SLC35F3: variants seen among roughly 807,000 people sequenced by gnomAD.
The protein encoded by SLC35F3 is putative thiamine transporter SLC35F3.
A neutral mutation model predicts 49.9 loss-of-function variants in SLC35F3; 25 were observed. The observed-to-expected ratio is 0.50, with a 90% CI of 0.37 to 0.70. SLC35F3 has a LOEUF of 0.70. SLC35F3 is among the 30% of genes least tolerant of loss of function. SLC35F3 has a pLI of 0.00. For missense variants in SLC35F3, 525 were observed against 639.8 expected (o/e 0.82, Z 1.94); for synonymous variants, 275 against 265.4 (o/e 1.04, Z -0.35).
At chr1:234,078,248 A>C (rs968318426) in intron 2 of SLC35F3, among the ~76,000 whole-genome samples, 3 of 152,116 alleles carry the variant, frequency 2.0e-5, no homozygotes, top group Non-Finnish European at 4.4e-5. Context: ...TCTCTTAAAG[A>C]TTTGTCTTCC....
chr1:234,102,450 A>G (rs927006722), intron 2 of SLC35F3, among the ~76,000 whole-genome samples: 2 of 152,202 alleles, frequency 1.3e-5, no homozygotes, highest in Admixed American at 1.3e-4. Context: ...AAAGAGACAG[A>G]AGTCCTTTTC....
At chr1:234,229,303 A>G (rs527563200) in intron 2 of SLC35F3, among the ~76,000 whole-genome samples, 33 of 151,878 alleles carry the variant, frequency 2.2e-4, no homozygotes, top group African/African-American at 6.1e-4. Flanking sequence ...TTTTCAAATA[A>G]CAGTGTAGTG....
At chr1:234,266,878 T>TG (rs1434106847) in intron 3 of SLC35F3, among the ~76,000 whole-genome samples, 3 of 148,418 alleles carry the variant, frequency 2.0e-5, no homozygotes, top group East Asian at 3.9e-4. Flanking sequence ...ACATGGTTTT[T>TG]TTTTTTTTTT....
At chr1:234,203,041 T>C (rs59565060) in intron 2 of SLC35F3, among the ~76,000 whole-genome samples, 4,569 of 152,260 alleles carry the variant, frequency 0.03, 226 homozygotes, top group African/African-American at 0.1. Flanking sequence ...ACCAATACTG[T>C]CATTAAAAGC....
intron 2 of SLC35F3, among the ~76,000 whole-genome samples, chr1:233,975,466 G>A (rs190409624): frequency 7.9e-5 from 12 of 152,320 alleles, no homozygotes; most frequent in African/African-American, 2.9e-4. Flanking sequence ...TCACGGCCCC[G>A]TGAGTCTGGC....
intron 2 of SLC35F3, among the ~76,000 whole-genome samples, chr1:234,135,306 G>T (rs573987829): frequency 1.2e-4 from 18 of 152,292 alleles, no homozygotes; most frequent in Non-Finnish European, 2.1e-4. Context: ...GTTATGTATT[G>T]TATGCCTGTA....
intron 3 of SLC35F3, among the ~76,000 whole-genome samples, chr1:234,235,273 C>G (rs577733589): frequency 7.1e-4 from 108 of 152,310 alleles, no homozygotes; most frequent in African/African-American, 2.1e-3. Context: ...CAGCCCAACC[C>G]TTATCTTCAC....
intron 3 of SLC35F3, among the ~76,000 whole-genome samples, chr1:234,234,557 A>C (rs1328339839): frequency 6.6e-6 from 1 of 152,128 alleles, no homozygotes; most frequent in Non-Finnish European, 1.5e-5. Flanking sequence ...GCTGCACTTT[A>C]ACTGTAAATG....
In SLC35F3 at chr1:234,318,762, G is replaced by A; in HGVS notation, c.966G>A (p.Lys322=). ...GCTTTCTCCTACAGGTTTTGTTCAA[G>A]CTCCTCCTGGGCAGTGCTAAGTTTG... The part of the protein sequence containing the change: ...SMSALYKVLF[K]LLLGSAKFGE... Residue 322 remains lysine, a synonymous_variant, in exon 6 of 8, where the codon AAG becomes AAA. Transcript: ENST00000366618. The A allele has an allele frequency of 1.2e-6, 2 of 1,613,774 alleles. No individual in the cohort carries two copies. Among genetic ancestry groups the A allele is most frequent in the South Asian group, 2.2e-5 (2 of 90,952 alleles).
chr1:234,158,912 C>A (rs1201938576), intron 2 of SLC35F3, among the ~76,000 whole-genome samples: 2 of 151,996 alleles, frequency 1.3e-5, no homozygotes, highest in African/African-American at 4.8e-5. Flanking sequence ...AACTAATGAA[C>A]AAAGGAGATT....
chr1:234,222,901 T>G (rs1203191041), intron 2 of SLC35F3, among the ~76,000 whole-genome samples: 1 of 152,214 alleles, frequency 6.6e-6, no homozygotes, highest in Non-Finnish European at 1.5e-5. Flanking sequence ...CTGGTGTATA[T>G]GGAGGCATCA....
At chr1:234,260,141 C>G (rs1667880966) in intron 3 of SLC35F3, among the ~76,000 whole-genome samples, 1 of 152,158 alleles carries the variant, frequency 6.6e-6, no homozygotes, top group Admixed American at 6.5e-5. Context: ...AGTGAATATT[C>G]TCTTTTCTGT....
chr1:233,941,651 G>C (rs1662422636), intron 2 of SLC35F3, among the ~76,000 whole-genome samples: 1 of 152,164 alleles, frequency 6.6e-6, no homozygotes, highest in Non-Finnish European at 1.5e-5. Flanking sequence ...ATAACTCCCC[G>C]ATGATCAGGG....
Position 234,296,904 on chromosome 1 carries a change from G to A in SLC35F3, c.609-12197G>A, listed in dbSNP as rs139447535. 1.8e-3 allele frequency among the ~76,000 whole-genome samples: 277 copies of A among 152,298 alleles called. 1 individual carries two copies. The highest frequency in any genetic ancestry group is 6.4e-3 in the African/African-American group (267 of 41,558). On this transcript the variant is annotated intron_variant, in intron 3 of 7. Transcript: ENST00000366618. The stretch of plus-strand genomic sequence containing the variant: ...CAGAAACTAAAATTTCTTGTAGGCT[G>A]CAAATGCCTTGAACTTACATTTTCT...
At chr1:234,312,519 G>A (rs1657381024) in intron 4 of SLC35F3, among the ~76,000 whole-genome samples, 1 of 152,172 alleles carries the variant, frequency 6.6e-6, no homozygotes, top group Admixed American at 6.5e-5. Flanking sequence ...TGCTGTGTGG[G>A]GGGCTGCCCT....
intron 3 of SLC35F3, among the ~76,000 whole-genome samples, chr1:234,249,339 C>T (rs1211522923): frequency 1.3e-5 from 2 of 152,192 alleles, no homozygotes; most frequent in African/African-American, 2.4e-5. Context: ...AGCTTCCATC[C>T]TCCCTAGTGA....
intron 2 of SLC35F3, among the ~76,000 whole-genome samples, chr1:233,935,130 T>C (rs2102795733): frequency 6.7e-6 from 1 of 149,798 alleles, no homozygotes; most frequent in Non-Finnish European, 1.5e-5. Context: ...CCAGGTTGTC[T>C]CTGCATCTGG....
chr1:234,241,406 T>C (rs1667550906), intron 3 of SLC35F3, among the ~76,000 whole-genome samples: 1 of 152,128 alleles, frequency 6.6e-6, no homozygotes, highest in African/African-American at 2.4e-5. Flanking sequence ...GTAAGTTATT[T>C]GTAAGGGCTC....
At chr1:234,128,479 G>A (rs1009407544) in intron 2 of SLC35F3, among the ~76,000 whole-genome samples, 21 of 152,280 alleles carry the variant, frequency 1.4e-4, no homozygotes, top group Middle Eastern at 3.4e-3. Flanking sequence ...CATCTTGGAC[G>A]GTGGGTGAGG....
Sources: allele counts gnomAD v4.1 joint callset (sites outside exome capture counted in the v4.1 genomes callset), GRCh38; gene constraint gnomAD v4.1.1; transcripts MANE v1.5; gene names NCBI Gene and HGNC (gene_info 2026-07-23, HGNC 2026-07-21).